AIDA: variants seen among roughly 807,000 people sequenced by gnomAD.
AIDA encodes the protein axin interactor, dorsalization associated.
A neutral mutation model predicts 42.7 loss-of-function variants in AIDA; 18 were observed. The observed-to-expected ratio is 0.42, with a 90% CI of 0.29 to 0.63. The LOEUF (loss-of-function observed/expected upper bound fraction) is 0.63, where lower values mean the gene tolerates loss of function less well. Ranked by LOEUF, AIDA falls within the 20% of genes least tolerant of loss-of-function variation. The pLI is 0.19. For synonymous variants in AIDA, 104 were observed against 122.9 expected (o/e 0.85, Z 1.02); for missense variants, 250 against 354.1 (o/e 0.71, Z 2.36).
At chr1:222,691,889 G>A (rs1309640661) in intron 4 of AIDA, among the ~76,000 whole-genome samples, 1 of 152,140 alleles carries the variant, frequency 6.6e-6, no homozygotes, top group Non-Finnish European at 1.5e-5. Context: ...CCTTTGTATT[G>A]TAATAGAAGA....
At chr1:222,684,665 G>T (rs1664711075) in intron 6 of AIDA, among the ~76,000 whole-genome samples, 1 of 151,976 alleles carries the variant, frequency 6.6e-6, no homozygotes, top group Non-Finnish European at 1.5e-5. Flanking sequence ...AAAAATTCAG[G>T]GACTAGAAAG....
At chr1:222,690,649 T>G (rs1021584926) in intron 4 of AIDA, among the ~76,000 whole-genome samples, 3 of 151,022 alleles carry the variant, frequency 2.0e-5, no homozygotes, top group Non-Finnish European at 4.4e-5. Context: ...TCCTTCATCT[T>G]ATTCTTATAT....
intron 2 of AIDA, 65 bp from the exon 3 acceptor site, chr1:222,694,328 GTTAA>G (rs1190597001): frequency 2.2e-5 from 29 of 1,316,152 alleles, no homozygotes; most frequent in Non-Finnish European, 3.1e-5. Context: ...AAATCATCAA[GTTAA>G]TTTTTATTAA....
At chr1:222,688,800 T>G (rs145987465) in intron 4 of AIDA, among the ~76,000 whole-genome samples, 1 of 152,124 alleles carries the variant, frequency 6.6e-6, no homozygotes, top group Non-Finnish European at 1.5e-5. Context: ...AGTTTTGCCA[T>G]GTTGGCCAGG....
intron 4 of AIDA, among the ~76,000 whole-genome samples, chr1:222,692,480 A>C (rs913917310): frequency 6.6e-6 from 1 of 152,170 alleles, no homozygotes; most frequent in African/African-American, 2.4e-5. Context: ...TGGTAGGCAA[A>C]ATGGGTAACT....
intron 4 of AIDA, among the ~76,000 whole-genome samples, chr1:222,690,120 T>C (rs981338618): frequency 6.6e-6 from 1 of 152,210 alleles, no homozygotes; most frequent in Admixed American, 6.5e-5. Flanking sequence ...TTTGTGTAAG[T>C]GCACTCTATG....
chr1:222,691,986 A>G (rs551601501), intron 4 of AIDA, among the ~76,000 whole-genome samples: 11 of 152,206 alleles, frequency 7.2e-5, no homozygotes, highest in Non-Finnish European at 1.6e-4. Context: ...TGTTTTTACA[A>G]ATGTAGAGTG....
chr1:222,681,029 A>G (rs1037334841), intron 6 of AIDA, among the ~76,000 whole-genome samples: 7 of 152,196 alleles, frequency 4.6e-5, no homozygotes, highest in African/African-American at 1.7e-4. Flanking sequence ...CTATAAAAAA[A>G]AAGCTTCTCT....
At chr1:222,672,848 G>A (rs1379377906) in intron 8 of AIDA, among the ~76,000 whole-genome samples, 1 of 152,166 alleles carries the variant, frequency 6.6e-6, no homozygotes, top group African/African-American at 2.4e-5. Context: ...TTAATACTAA[G>A]AATCATACTT....
At chr1:222,681,078 A>G (rs1221319929) in intron 6 of AIDA, among the ~76,000 whole-genome samples, 2 of 152,188 alleles carry the variant, frequency 1.3e-5, no homozygotes, top group Non-Finnish European at 2.9e-5. Context: ...GACATGCTAT[A>G]GCATTTGTAA....
At chr1:222,700,040 G>A (rs1029364440) in intron 2 of AIDA, among the ~76,000 whole-genome samples, 1 of 152,112 alleles carries the variant, frequency 6.6e-6, no homozygotes, top group Non-Finnish European at 1.5e-5. Context: ...TTACAGGCGT[G>A]AGCCACCGCG....
intron 1 of AIDA, among the ~76,000 whole-genome samples, chr1:222,707,100 T>C (rs747387255): frequency 7.9e-5 from 12 of 152,196 alleles, no homozygotes; most frequent in Middle Eastern, 6.8e-3. Flanking sequence ...AAATTGTACA[T>C]GTAAAATAGA....
chr1:222,704,833 T>C (rs11485123), intron 1 of AIDA, among the ~76,000 whole-genome samples: 123,118 of 152,108 alleles, frequency 0.81, 50,119 homozygotes, highest in Non-Finnish European at 0.84. Flanking sequence ...AAAAAATATA[T>C]GAGAAAAAAC....
intron 4 of AIDA, among the ~76,000 whole-genome samples, chr1:222,688,665 T>C (rs1387788527): frequency 6.6e-6 from 1 of 151,966 alleles, no homozygotes; most frequent in Non-Finnish European, 1.5e-5. Context: ...AATGGCATGA[T>C]CTCAGCTCAC....
intron 1 of AIDA, among the ~76,000 whole-genome samples, chr1:222,706,805 A>G (rs1655850890): frequency 6.7e-6 from 1 of 150,054 alleles, no homozygotes; most frequent in South Asian, 2.1e-4. Context: ...CAGTGAGCCT[A>G]GATCACCCCC....
chr1:222,689,477 G>GTGTGTGTA (rs1553294344), intron 4 of AIDA, among the ~76,000 whole-genome samples: 19 of 27,970 alleles, frequency 6.8e-4, no homozygotes, highest in African/African-American at 3.7e-3. Flanking sequence ...GTATGTGTGT[G>GTGTGTGTA]TGTGTATATA....
At chr1:222,683,112 T>G (rs1558209672) in intron 6 of AIDA, among the ~76,000 whole-genome samples, 1 of 152,194 alleles carries the variant, frequency 6.6e-6, no homozygotes, top group Non-Finnish European at 1.5e-5. Context: ...GAAATTATCT[T>G]AAAAGTTTGA....
intron 1 of AIDA, 62 bp from the exon 2 acceptor site, chr1:222,703,279 A>G: frequency 7.7e-7 from 1 of 1,301,334 alleles, no homozygotes; most frequent in Non-Finnish European, 1.1e-6. Flanking sequence ...ACAAAGTGTA[A>G]CAATTTAAAG....
intron 2 of AIDA, among the ~76,000 whole-genome samples, chr1:222,699,487 A>T (rs1655622071): frequency 6.6e-6 from 1 of 152,234 alleles, no homozygotes; most frequent in Admixed American, 6.5e-5. Flanking sequence ...AAAAGCAAAT[A>T]AATTTTAAAA....
Sources: gnomAD v4.1 joint callset for allele counts (sites outside exome capture counted in the v4.1 genomes callset) on GRCh38, gnomAD v4.1.1 for gene constraint, MANE v1.5 for transcripts, NCBI Gene and HGNC (gene_info 2026-07-23, HGNC 2026-07-21) for gene names.